SIPA1L3: variants seen among roughly 807,000 people sequenced by gnomAD.
SIPA1L3 encodes the protein signal-induced proliferation-associated 1-like protein 3.
SIPA1L3 carries 59 observed loss-of-function variants against 150.1 expected under a neutral mutation model. The observed-to-expected ratio is 0.39, with a 90% CI of 0.32 to 0.49. The LOEUF is 0.49. Among genes scored for constraint, SIPA1L3 ranks in the 20% least tolerant of loss-of-function variants. SIPA1L3 has a pLI of 0.86. For synonymous variants in SIPA1L3, 1,070 were observed against 1,077.6 expected (o/e 0.99, Z 0.14); for missense variants, 2,211 against 2,489.5 (o/e 0.89, Z 2.38).
Position 38,141,270 on chromosome 19 carries a change from G to T in SIPA1L3, c.3230G>T (p.Arg1077Leu), listed in dbSNP as rs115276476. Residue 1077 changes from arginine to leucine, a missense_variant, in exon 11 of 22, where the codon CGC becomes CTC. Arg to Leu is a moderately radical substitution (Grantham distance 102, BLOSUM62 -2). Around this residue, in one of 5 missense-constraint regions of SIPA1L3, gnomAD observed 806 missense variants for 870.1 expected, o/e 0.93. Transcript: ENST00000222345. ...ACTCCTGGGGGCCGGCCCCCCTACC[G>T]CAGCAATGCTCCCTGGCAGTGGAGC... ...SITPGGRPPY[R>L]SNAPWQWSGP... 1.0e-4 allele frequency: 161 copies of T among 1,613,656 alleles called. 1 individual carries two copies. In the African/African-American group the frequency reaches 2.0e-3, roughly 20 times the overall value.
chr19:38,019,126 G>C (rs576150379), intron 1 of SIPA1L3, among the ~76,000 whole-genome samples: 1 of 152,292 alleles, frequency 6.6e-6, no homozygotes, highest in Admixed American at 6.5e-5. Context: ...AAGACTACCG[G>C]CTCATTTGAA....
chr19:38,124,041 G>C (rs1236931502), intron 9 of SIPA1L3, among the ~76,000 whole-genome samples: 6 of 151,282 alleles, frequency 4.0e-5, no homozygotes, highest in Non-Finnish European at 8.9e-5. Context: ...CCTCCCAGTA[G>C]GGGCGGCTGG....
chr19:37,950,754 C>T (rs2046756569), intron 1 of SIPA1L3, among the ~76,000 whole-genome samples: 1 of 152,242 alleles, frequency 6.6e-6, no homozygotes, highest in Non-Finnish European at 1.5e-5. Context: ...TCCGCCTGTC[C>T]CCAGTACCCC....
intron 15 of SIPA1L3, among the ~76,000 whole-genome samples, chr19:38,178,025 T>G (rs1421378578): frequency 2.0e-5 from 3 of 151,602 alleles, no homozygotes; most frequent in East Asian, 1.9e-4. Flanking sequence ...CTTTTCCTGA[T>G]TATAAACAGT....
chr19:38,007,598 A>T (rs943772203), intron 1 of SIPA1L3, among the ~76,000 whole-genome samples: 33 of 150,202 alleles, frequency 2.2e-4, no homozygotes, highest in African/African-American at 3.7e-4. Flanking sequence ...TTCATTATTT[A>T]TTATTATTAT....
At position 37,907,253 on chromosome 19, in the gene SIPA1L3, C is replaced by G. The variant is rs1479001400; in HGVS notation, c.-484C>G. The G allele has an allele frequency of 6.5e-6, 1 of 152,682 alleles. No homozygotes were observed. Among genetic ancestry groups the G allele is most frequent in the South Asian group, 2.1e-4 (1 of 4,836 alleles). The allele number at this position is 152,682 out of a possible 1,614,324, so 9.5% of individuals were successfully genotyped here. ...CGCGAAGCGGCTTGGAAGTGGGCAG[C>G]CTGGAAGTCACTCGGGCCACCGGAG... On this transcript the variant is annotated 5_prime_UTR_variant, in exon 1 of 22. Coordinates refer to ENST00000222345, the MANE Select transcript of SIPA1L3 (RefSeq NM_015073.3).
intron 1 of SIPA1L3, chr19:37,932,507 G>C (rs1474687973): frequency 6.6e-6 from 1 of 152,262 alleles, no homozygotes. Flanking sequence ...TGGCACGGCA[G>C]GTTCCCGTTT....
chr19:38,021,939 G>A (rs1278174320), intron 1 of SIPA1L3, among the ~76,000 whole-genome samples: 1 of 152,194 alleles, frequency 6.6e-6, no homozygotes, highest in Non-Finnish European at 1.5e-5. Flanking sequence ...CTGAAGATAC[G>A]CACCTGTGCT....
chr19:38,160,330 C>T (rs774228608), intron 13 of SIPA1L3, among the ~76,000 whole-genome samples: 3 of 150,966 alleles, frequency 2.0e-5, no homozygotes, highest in Admixed American at 6.6e-5. Flanking sequence ...TTTTTAAGGT[C>T]AGCAAGATAC....
At chr19:38,137,264 C>T (rs35911804) in intron 10 of SIPA1L3, among the ~76,000 whole-genome samples, 21,882 of 152,116 alleles carry the variant, frequency 0.14, 1,811 homozygotes, top group East Asian at 0.24. Flanking sequence ...TCTCAGCTCA[C>T]TGCAACCTCC....
At chr19:37,956,482 G>GTTTTTTTTTTTTTTTTTTTTTTTT (rs34804753) in intron 1 of SIPA1L3, among the ~76,000 whole-genome samples, 4 of 126,882 alleles carry the variant, frequency 3.2e-5, no homozygotes, top group Non-Finnish European at 3.4e-5. Context: ...AAGTATAAAA[G>GTTTTTTTTTTTTTTTTTTTTTTTT]TTTTGTTTTT....
intron 1 of SIPA1L3, among the ~76,000 whole-genome samples, chr19:38,001,089 T>A (rs917914937): frequency 2.6e-5 from 4 of 151,406 alleles, no homozygotes; most frequent in African/African-American, 9.7e-5. Flanking sequence ...ATATATATAC[T>A]ACTTTCATAA....
At chr19:38,009,439 A>G (rs974007913) in intron 1 of SIPA1L3, among the ~76,000 whole-genome samples, 2 of 151,902 alleles carry the variant, frequency 1.3e-5, no homozygotes, top group African/African-American at 2.4e-5. Context: ...TCAGAGTCCA[A>G]TTTGCCCAAG....
At chr19:37,969,699 C>T (rs745554221) in intron 1 of SIPA1L3, among the ~76,000 whole-genome samples, 5 of 152,186 alleles carry the variant, frequency 3.3e-5, no homozygotes, top group Non-Finnish European at 7.3e-5. Context: ...CCACACTTTC[C>T]TCCGGCCTTT....
chr19:38,103,349 G>A lies in SIPA1L3; in HGVS notation c.2029+2123G>A, dbSNP rs542292693. 5.3e-5 allele frequency among the ~76,000 whole-genome samples: 8 copies of A among 152,060 alleles called. No individual in the cohort carries two copies. In the South Asian group the frequency reaches 1.5e-3, roughly 28 times the overall value. ...ATAAATATATATGATATATGGGGCT[G>A]GGCGCAATGGCCCACGCCTGTAATC... On this transcript the variant is annotated intron_variant, in intron 6 of 21. Transcript: ENST00000222345.
intron 1 of SIPA1L3, among the ~76,000 whole-genome samples, chr19:37,942,586 T>G: frequency 6.6e-6 from 1 of 150,710 alleles, no homozygotes; most frequent in African/African-American, 2.4e-5. Flanking sequence ...GGGTGTGGGT[T>G]TGATTCAGAG....
intron 2 of SIPA1L3, among the ~76,000 whole-genome samples, chr19:38,053,229 G>A (rs944598279): frequency 2.0e-5 from 3 of 152,346 alleles, no homozygotes; most frequent in African/African-American, 7.2e-5. Context: ...AGACAGAGAA[G>A]CCCAGTTACA....
In SIPA1L3 at chr19:38,082,544, C is replaced by T. The variant is rs746476127; in HGVS notation, c.979C>T (p.Pro327Ser). The change falls in exon 3 of 22, where the codon CCC (proline) becomes TCC (serine). Residue 327 changes from proline (P) to serine (S), a missense_variant. Pro to Ser is a moderately conservative substitution (Grantham distance 74, BLOSUM62 -1). Coordinates refer to ENST00000222345, the MANE Select transcript of SIPA1L3 (RefSeq NM_015073.3). ...SPGEADEGRS[P>S]PEASRPWVCQ... ...GGGGGAGGCCGACGAGGGCCGGAGC[C>T]CCCCGGAAGCCAGCAGGCCGTGGGT... 20 of 1,600,604 alleles carry T rather than the reference C, an allele frequency of 1.2e-5. No homozygotes were observed. The highest frequency in any genetic ancestry group is 3.3e-5 in the South Asian group (3 of 90,896).
rs1969993963 is a variant in SIPA1L3 at position 38,081,938 on chromosome 19, C to T, written c.373C>T (p.Pro125Ser). ...CATGAGGAGCATACAGAACGGACAG[C>T]CCCCCACCAGCACCCCGGCTTCCTC... ...HSMRSIQNGQPPTSTPASSGS... is the reference protein window; with the variant it reads ...HSMRSIQNGQSPTSTPASSGS... The change falls in exon 3 of 22, where the codon CCC (proline) becomes TCC (serine). Residue 125 changes from proline (P) to serine (S), a missense_variant. By Grantham distance (74) the Pro-to-Ser change is moderately conservative (BLOSUM62 -1). Transcript: ENST00000222345. The T allele has an allele frequency of 6.2e-7, 1 of 1,614,010 alleles. No individual in the cohort carries two copies. Among genetic ancestry groups the T allele is most frequent in the South Asian group, 1.1e-5 (1 of 91,090 alleles).
Sources: gnomAD v4.1 joint callset for allele counts (sites outside exome capture counted in the v4.1 genomes callset) on GRCh38, gnomAD v4.1.1 for gene constraint, gnomAD v4.1.1 regional missense constraint, MANE v1.5 for transcripts, NCBI Gene and HGNC (gene_info 2026-07-23, HGNC 2026-07-21) for gene names.